GMDS: variants seen among roughly 807,000 people sequenced by gnomAD.
GMDS encodes the protein GDP-mannose 4,6 dehydratase.
A neutral mutation model predicts 49.9 loss-of-function variants in GMDS; 20 were observed. The observed-to-expected ratio is 0.40, with a 90% CI of 0.28 to 0.58. The LOEUF (loss-of-function observed/expected upper bound fraction) is 0.58, where lower values mean the gene tolerates loss of function less well. Among genes scored for constraint, GMDS ranks in the 20% least tolerant of loss-of-function variants. The probability of loss-of-function intolerance (pLI) is 0.42; values close to 1 mark genes in which losing one functional copy is unlikely to be tolerated. For synonymous variants in GMDS, 177 were observed against 178.6 expected (o/e 0.99, Z 0.07); for missense variants, 362 against 481.4 (o/e 0.75, Z 2.32).
chr6:2,118,151 G>C (rs1774951195), intron 2 of GMDS, among the ~76,000 whole-genome samples: 1 of 151,696 alleles, frequency 6.6e-6, no homozygotes, highest in Non-Finnish European at 1.5e-5. Flanking sequence ...CAAACGAAGA[G>C]AGGATTCTTA....
chr6:2,108,960 T>A (rs768645771), intron 4 of GMDS, among the ~76,000 whole-genome samples: 2 of 152,212 alleles, frequency 1.3e-5, no homozygotes, highest in Non-Finnish European at 2.9e-5. Context: ...CTTTTTCCTT[T>A]AGAATACATC....
At chr6:2,199,703 G>T (rs1779421029) in intron 1 of GMDS, among the ~76,000 whole-genome samples, 1 of 152,152 alleles carries the variant, frequency 6.6e-6, no homozygotes, top group East Asian at 1.9e-4. Context: ...TTCCTAAGAT[G>T]ATTTTCATGG....
At chr6:1,630,066 T>C (rs1426012154) in intron 9 of GMDS, among the ~76,000 whole-genome samples, 1 of 152,166 alleles carries the variant, frequency 6.6e-6, no homozygotes, top group African/African-American at 2.4e-5. Context: ...AAATGGATCT[T>C]TTTTCATTTA....
chr6:2,056,614 C>A (rs1185842399), intron 4 of GMDS, among the ~76,000 whole-genome samples: 1 of 152,134 alleles, frequency 6.6e-6, no homozygotes, highest in African/African-American at 2.4e-5. Context: ...CTTAAAAAAA[C>A]CGCAGATGCC....
intron 7 of GMDS, among the ~76,000 whole-genome samples, chr6:1,877,643 T>TCAA (rs776232284): frequency 9.6e-5 from 5 of 51,816 alleles, no homozygotes; most frequent in East Asian, 4.8e-4. Context: ...ATCTCAAAAA[T>TCAA]TAAAAAAAAA....
At chr6:2,095,120 T>C (rs149922902) in intron 4 of GMDS, among the ~76,000 whole-genome samples, 14 of 152,298 alleles carry the variant, frequency 9.2e-5, no homozygotes, top group African/African-American at 3.4e-4. Flanking sequence ...TATTCTATTA[T>C]CCCCAAAATC....
intron 1 of GMDS, among the ~76,000 whole-genome samples, chr6:2,135,856 C>T (rs1775970396): frequency 6.6e-6 from 1 of 152,088 alleles, no homozygotes; most frequent in Non-Finnish European, 1.5e-5. Flanking sequence ...ATTTTACATA[C>T]TTTTTCATAT....
chr6:1,748,762 C>T (rs938917849), intron 7 of GMDS, among the ~76,000 whole-genome samples: 1 of 152,216 alleles, frequency 6.6e-6, no homozygotes, highest in African/African-American at 2.4e-5. Flanking sequence ...TACGATTTGC[C>T]CACCTTTGCT....
intron 2 of GMDS, among the ~76,000 whole-genome samples, chr6:2,121,064 G>T (rs1775112092): frequency 6.6e-6 from 1 of 152,108 alleles, no homozygotes; most frequent in Non-Finnish European, 1.5e-5. Context: ...TACAGAAAAG[G>T]CAACTAAGTC....
intron 4 of GMDS, among the ~76,000 whole-genome samples, chr6:2,113,681 C>T (rs1191961647): frequency 6.6e-6 from 1 of 152,128 alleles, no homozygotes; most frequent in Non-Finnish European, 1.5e-5. Flanking sequence ...GACGGAAGTT[C>T]TCTCTTACCC....
At chr6:2,026,433 A>G (rs1768601763) in intron 4 of GMDS, among the ~76,000 whole-genome samples, 2 of 152,218 alleles carry the variant, frequency 1.3e-5, no homozygotes, top group Admixed American at 1.3e-4. Flanking sequence ...GTCATGCAGA[A>G]AGATCTTTGC....
intron 9 of GMDS, among the ~76,000 whole-genome samples, chr6:1,715,312 G>A (rs917371517): frequency 1.3e-5 from 2 of 152,152 alleles, no homozygotes; most frequent in African/African-American, 4.8e-5. Flanking sequence ...TTAGACTATT[G>A]CTCTCTAATA....
At chr6:1,876,015 CAA>C (rs112121475) in intron 7 of GMDS, among the ~76,000 whole-genome samples, 3 of 129,260 alleles carry the variant, frequency 2.3e-5, no homozygotes, top group Non-Finnish European at 3.2e-5. Context: ...AGCACTATCT[CAA>C]AAAAAAAAAA....
chr6:2,190,870 G>A (rs1286578906), intron 1 of GMDS, among the ~76,000 whole-genome samples: 3 of 152,062 alleles, frequency 2.0e-5, no homozygotes, highest in African/African-American at 4.8e-5. Flanking sequence ...CCTGTGCCCC[G>A]TGTCCCCAAG....
At position 1,624,206 on chromosome 6, in the gene GMDS, G is replaced by C; in HGVS notation, c.1082C>G (p.Ala361Gly). The C allele has an allele frequency of 6.2e-7, 1 of 1,611,012 alleles. No individual in the cohort carries two copies. Among genetic ancestry groups the C allele is most frequent in the Non-Finnish European group, 8.5e-7 (1 of 1,179,790 alleles). Residue 361 changes from alanine (A) to glycine (G), a missense_variant, in exon 11 of 11, where the codon GCC (alanine) becomes GGC (glycine). Transcript: ENST00000380815. Reference protein sequence around the residue: ...FDELVREMVHADVELMRTNPN... With the variant: ...FDELVREMVHGDVELMRTNPN... ...GTTTGTCCTCATGAGCTCCACGTCG[G>C]CGTGCACCATCTCCCTCACCAGCTC...
chr6:1,761,302 C>G (rs574540807), intron 7 of GMDS, among the ~76,000 whole-genome samples: 9 of 152,280 alleles, frequency 5.9e-5, no homozygotes, highest in African/African-American at 2.2e-4. Context: ...TGAATTAACA[C>G]TTTTAAAGTA....
chr6:1,810,243 T>C (rs1170347300), intron 7 of GMDS, among the ~76,000 whole-genome samples: 1 of 152,086 alleles, frequency 6.6e-6, no homozygotes, highest in Non-Finnish European at 1.5e-5. Flanking sequence ...CTCAGCTGGA[T>C]AGGTGGGCAG....
chr6:1,667,478 T>TGAAGTCAGCAGTGAGAAGAAGCTG (rs1245247021), intron 9 of GMDS, among the ~76,000 whole-genome samples: 1 of 152,204 alleles, frequency 6.6e-6, no homozygotes, highest in Admixed American at 6.5e-5. Context: ...GAGCCCCTCG[T>TGAAGTCAGCAGTGAGAAGAAGCTG]GAAGTCAGCA....
rs950635793 is a variant in GMDS, at chr6:1,739,610, A to C, written c.890+2858T>G. ...CAGCGACAGGTCTAGGGATAACTGC[A>C]GGACCCACAAGGGCCAGCCACAGTC... On this transcript the variant is annotated intron_variant, in intron 8 of 10. Transcript: ENST00000380815. Among the ~76,000 whole-genome samples the C allele has an allele frequency of 4.4e-4, 67 of 152,390 alleles. 1 individual carries two copies. Among genetic ancestry groups the C allele is most frequent in the African/African-American group, 1.6e-3 (66 of 41,592 alleles).
Sources: gnomAD v4.1 joint callset for allele counts (sites outside exome capture counted in the v4.1 genomes callset) on GRCh38, gnomAD v4.1.1 for gene constraint, MANE v1.5 for transcripts, NCBI Gene and HGNC (gene_info 2026-07-23, HGNC 2026-07-21) for gene names.